The following TYW1 variants were observed in gnomAD, a reference collection of about 807,000 sequenced individuals.
The protein encoded by TYW1 is S-adenosyl-L-methionine-dependent tRNA 4-demethylwyosine synthase TYW1.
Under a neutral mutation model 96.2 loss-of-function variants are expected in TYW1, and 46 were observed. The ratio of observed to expected loss-of-function variants is 0.48; its 90% CI spans 0.38 to 0.61. TYW1 has a LOEUF of 0.61. Ranked by LOEUF, TYW1 falls within the 20% of genes least tolerant of loss-of-function variation. The probability of loss-of-function intolerance (pLI) is 0.00; values close to 1 mark genes in which losing one functional copy is unlikely to be tolerated. For synonymous variants in TYW1, 274 were observed against 323.0 expected (o/e 0.85, Z 1.63); for missense variants, 684 against 909.6 (o/e 0.75, Z 3.19).
intron 13 of TYW1, among the ~76,000 whole-genome samples, chr7:67,166,352 ATATATAATACAT>A (rs1799329529): frequency 2.7e-5 from 3 of 109,622 alleles, no homozygotes; most frequent in African/African-American, 1.1e-4. Flanking sequence ...ATATATAATT[ATATATAATACAT>A]ATATACATGA....
chr7:67,132,389 C>T (rs1222823685), intron 13 of TYW1, among the ~76,000 whole-genome samples: 4 of 152,074 alleles, frequency 2.6e-5, no homozygotes, highest in Non-Finnish European at 1.5e-5. Context: ...GGATTACAGA[C>T]GTGATCTACT....
chr7:67,048,382 G>A (rs1257775907), intron 7 of TYW1, among the ~76,000 whole-genome samples: 1 of 150,462 alleles, frequency 6.6e-6, no homozygotes, highest in Non-Finnish European at 1.5e-5. Context: ...TTGGTGGTAG[G>A]GCCACTGCCT....
intron 12 of TYW1, among the ~76,000 whole-genome samples, chr7:67,104,590 AC>A: frequency 6.6e-6 from 1 of 152,006 alleles, no homozygotes; most frequent in Non-Finnish European, 1.5e-5. Context: ...ACTCTTTCTG[AC>A]AGTTCTGCCC....
intron 13 of TYW1, among the ~76,000 whole-genome samples, chr7:67,169,373 T>C (rs1799449069): frequency 6.6e-6 from 1 of 152,160 alleles, no homozygotes; most frequent in South Asian, 2.1e-4. Flanking sequence ...TTTTCCAAGT[T>C]AGCGCATGTT....
intron 13 of TYW1, among the ~76,000 whole-genome samples, chr7:67,141,907 C>T (rs7811268): frequency 0.26 from 39,522 of 151,972 alleles, 5,634 homozygotes; most frequent in African/African-American, 0.38. Context: ...TGGTGGTAGG[C>T]GCCTGTAATC....
At chr7:67,099,573 G>A (rs1355600467) in intron 12 of TYW1, among the ~76,000 whole-genome samples, 2 of 152,214 alleles carry the variant, frequency 1.3e-5, no homozygotes, top group Non-Finnish European at 2.9e-5. Context: ...CTTGTTTCCT[G>A]CAGAGCAGTC....
chr7:67,071,535 C>T lies in TYW1; in HGVS notation c.1274+4132C>T, dbSNP rs376760595. Reference sequence around the variant, plus strand: ...TGGTGGAATCTTGGCCCACTGCAACCTCCACTTCCTGGGTTCAAGCAATTC... The same window carrying T: ...TGGTGGAATCTTGGCCCACTGCAACTTCCACTTCCTGGGTTCAAGCAATTC... On this transcript the variant is annotated intron_variant, in intron 10 of 15. Transcript: ENST00000359626. 1.1e-4 allele frequency among the ~76,000 whole-genome samples: 17 copies of T among 152,156 alleles called. No homozygotes were observed. In the East Asian group the frequency reaches 1.4e-3, roughly 12 times the overall value.
intron 10 of TYW1, among the ~76,000 whole-genome samples, chr7:67,072,933 AGTTT>A (rs1796073115): frequency 2.4e-5 from 2 of 82,526 alleles, no homozygotes; most frequent in African/African-American, 1.1e-4. Flanking sequence ...ATGCCTATCC[AGTTT>A]TTTTTTTTTT....
chr7:67,141,115 T>C (rs1304491851), intron 13 of TYW1, among the ~76,000 whole-genome samples: 2 of 152,234 alleles, frequency 1.3e-5, no homozygotes, highest in Non-Finnish European at 2.9e-5. Context: ...TTTATCTTTA[T>C]TCATTTATTT....
At position 67,064,906 on chromosome 7, in the gene TYW1, T is replaced by A. The variant is rs551278413; in HGVS notation, c.1156-2379T>A. ...CCCCGCAACAAATTCCGAAAAAGAGTGTCTTAAACTTCACACCTTATATAA... is the reference window on the plus strand; with the variant it reads ...CCCCGCAACAAATTCCGAAAAAGAGAGTCTTAAACTTCACACCTTATATAA... On this transcript the variant is annotated intron_variant, in intron 9 of 15. Transcript: ENST00000359626. 1.5e-4 allele frequency among the ~76,000 whole-genome samples: 22 copies of A among 151,680 alleles called. No homozygotes were observed. In the South Asian group the frequency reaches 4.4e-3, roughly 30 times the overall value.
intron 13 of TYW1, among the ~76,000 whole-genome samples, chr7:67,130,954 G>A (rs1798053607): frequency 6.6e-6 from 1 of 152,138 alleles, no homozygotes; most frequent in South Asian, 2.1e-4. Flanking sequence ...GGCAAGATGT[G>A]TGTTATGCCT....
chr7:67,025,000 T>G lies in TYW1; in HGVS notation c.962T>G (p.Met321Arg). Residue 321 changes from methionine (M) to arginine (R), a missense_variant, in exon 7 of 16, where the codon ATG (methionine) becomes AGG (arginine). Coordinates refer to ENST00000359626, the MANE Select transcript of TYW1 (RefSeq NM_018264.4). ...GATGTTGAAGATTTGGGCAAAATTA[T>G]GGATCATGTGAAGAAAGAAAAGGTA... ...IVDVEDLGKI[M>R]DHVKKEKREK... The G allele has an allele frequency of 6.2e-7, 1 of 1,613,736 alleles. No homozygotes were observed. Among genetic ancestry groups the G allele is most frequent in the East Asian group, 2.2e-5 (1 of 44,880 alleles).
intron 13 of TYW1, among the ~76,000 whole-genome samples, chr7:67,154,711 GTCTA>G (rs1798910623): frequency 6.7e-6 from 1 of 149,966 alleles, no homozygotes. Flanking sequence ...GTATCTGGTT[GTCTA>G]TCTCTCTCTC....
At chr7:67,028,571 T>C (rs556610870) in intron 7 of TYW1, among the ~76,000 whole-genome samples, 1 of 152,306 alleles carries the variant, frequency 6.6e-6, no homozygotes, top group South Asian at 2.1e-4. Flanking sequence ...AAAACTACAC[T>C]GATAAACATT....
At chr7:67,029,411 G>A (rs372042534) in intron 7 of TYW1, among the ~76,000 whole-genome samples, 33,534 of 101,542 alleles carry the variant, frequency 0.33, 5,863 homozygotes, top group Admixed American at 0.41. Context: ...GTGTGTGTGT[G>A]TGTGTATATA....
chr7:67,052,754 C>A (rs10447523), intron 8 of TYW1, among the ~76,000 whole-genome samples: 1 of 151,822 alleles, frequency 6.6e-6, no homozygotes, highest in East Asian at 1.9e-4. Flanking sequence ...TATTTTGAGA[C>A]GGAGTCTCAC....
chr7:67,198,764 A>T (rs1162488968), intron 15 of TYW1, among the ~76,000 whole-genome samples: 3 of 152,158 alleles, frequency 2.0e-5, no homozygotes, highest in Non-Finnish European at 4.4e-5. Flanking sequence ...CCCAACCCCT[A>T]ATCTAGGCAG....
At chr7:67,232,405 TG>T (rs1489047474) in intron 15 of TYW1, among the ~76,000 whole-genome samples, 2 of 151,878 alleles carry the variant, frequency 1.3e-5, no homozygotes, top group Non-Finnish European at 2.9e-5. Context: ...CTGGGTATGG[TG>T]GTGCACACCT....
At chr7:67,104,257 A>T (rs1797172596) in intron 12 of TYW1, among the ~76,000 whole-genome samples, 2 of 152,276 alleles carry the variant, frequency 1.3e-5, no homozygotes, top group Admixed American at 6.5e-5. Flanking sequence ...TAATTTGTGA[A>T]GAAAAGAGGT....
Sources: allele counts gnomAD v4.1 joint callset (sites outside exome capture counted in the v4.1 genomes callset), GRCh38; gene constraint gnomAD v4.1.1; transcripts MANE v1.5; gene names NCBI Gene and HGNC (gene_info 2026-07-23, HGNC 2026-07-21).